Variants in VPS13B observed in about 807,000 individuals in gnomAD.
VPS13B encodes intermembrane lipid transfer protein VPS13B.
In VPS13B, 285 loss-of-function variants were observed where a neutral mutation model predicts 426.4. The ratio of observed to expected loss-of-function variants is 0.67; its 90% CI spans 0.61 to 0.74. The LOEUF is 0.74. VPS13B is among the 30% of genes least tolerant of loss of function. The pLI is 0.00. For missense variants in VPS13B, 4,537 were observed against 4,782.6 expected, an observed-to-expected ratio of 0.95 and a Z score of 1.51; for synonymous variants, 1,676 against 1,676.4, an observed-to-expected ratio of 1.00 and a Z score of 0.01.
chr8:99,559,547 A>G lies in VPS13B; in HGVS notation c.4949+2894A>G, dbSNP rs559992586. ...GGGTTTTTATGGTTTTAGGTCTAAC[A>G]TTTAAGTCTTTAATCCATCTTGAAT... On this transcript the variant is annotated intron_variant, in intron 31 of 61. Coordinates refer to ENST00000357162, the MANE Select transcript of VPS13B (RefSeq NM_152564.5). 2.1e-3 allele frequency among the ~76,000 whole-genome samples: 327 copies of G among 152,208 alleles called. 2 individuals are homozygous for G. The highest frequency in any genetic ancestry group is 2.9e-3 in the Non-Finnish European group (195 of 67,972).
intron 12 of VPS13B, among the ~76,000 whole-genome samples, chr8:99,139,410 T>G (rs1810267330): frequency 6.6e-6 from 1 of 151,864 alleles, no homozygotes; most frequent in Non-Finnish European, 1.5e-5. Flanking sequence ...GAGCCTACAT[T>G]TATAACTATT....
In VPS13B at chr8:99,426,063, TC is replaced by T. The variant is rs1180428332; in HGVS notation, c.3083-5468del. On this transcript the variant is annotated intron_variant, in intron 21 of 61. Transcript: ENST00000357162. ...TCTACCAATGCTATCCCTCCCCCCC[TC>T]CCCCCACCCCACCACAGTCCCCAGA... is the stretch of plus-strand genomic sequence containing the variant. Among the ~76,000 whole-genome samples, 20 of 70,258 alleles carry T rather than the reference TC, an allele frequency of 2.8e-4. No homozygotes were observed. The South Asian group carries it at 0.011, about 39-fold the overall frequency. The allele number at this position is 70,258 out of a possible 152,430, so 46.1% of individuals were successfully genotyped here. A position where few individuals can be genotyped will look rare whatever the true frequency, so the allele number is the denominator to read the frequency against.
At chr8:99,637,802 A>G (rs889533672) in intron 33 of VPS13B, among the ~76,000 whole-genome samples, 6 of 152,266 alleles carry the variant, frequency 3.9e-5, no homozygotes, top group African/African-American at 1.2e-4. Context: ...AAAATGCTCT[A>G]TGCATAGAAA....
At chr8:99,251,280 A>T (rs1817493823) in intron 17 of VPS13B, among the ~76,000 whole-genome samples, 1 of 152,140 alleles carries the variant, frequency 6.6e-6, no homozygotes, top group Non-Finnish European at 1.5e-5. Context: ...TTTACTATTA[A>T]GTGATTTTAG....
rs150178145 is a variant in VPS13B at position 99,364,525 on chromosome 8, C to T, written c.2825-19683C>T. Among the ~76,000 whole-genome samples the T allele has an allele frequency of 6.1e-3, 922 of 152,164 alleles. 12 individuals are homozygous for T. Among genetic ancestry groups the T allele is most frequent in the African/African-American group, 0.021 (878 of 41,498 alleles). The stretch of plus-strand genomic sequence containing the variant: ...ATGGCTCACTGCAGCCTTGACCTTC[C>T]AGGCTCAAGTGACCCTCCCACCTCA... On this transcript the variant is annotated intron_variant, in intron 19 of 61. Coordinates refer to ENST00000357162, the MANE Select transcript of VPS13B (RefSeq NM_152564.5).
At chr8:99,624,007 ATTTTTT>A (rs1165382455) in intron 33 of VPS13B, among the ~76,000 whole-genome samples, 3 of 101,106 alleles carry the variant, frequency 3.0e-5, no homozygotes, top group Admixed American at 2.1e-4. Flanking sequence ...ATATATATAT[ATTTTTT>A]TTTTTTTTTT....
chr8:99,056,241 T>C lies in VPS13B; in HGVS notation c.291+17675T>C, dbSNP rs139991230. Reference sequence around the variant, plus strand: ...CCGGCTAATTTTTTTTGTGTGTTTTTGTAGACATGGGTTTTCATCATGTTG... The same window carrying C: ...CCGGCTAATTTTTTTTGTGTGTTTTCGTAGACATGGGTTTTCATCATGTTG... On this transcript the variant is annotated intron_variant, in intron 3 of 61. Transcript: ENST00000357162. Among the ~76,000 whole-genome samples, 924 of 151,942 alleles carry C rather than the reference T, an allele frequency of 6.1e-3. 13 individuals carry two copies. The highest frequency in any genetic ancestry group is 0.021 in the African/African-American group (879 of 41,436).
intron 19 of VPS13B, among the ~76,000 whole-genome samples, chr8:99,308,514 C>T (rs911907525): frequency 2.6e-5 from 4 of 152,088 alleles, no homozygotes; most frequent in Admixed American, 2.6e-4. Context: ...TGAACTCATC[C>T]TTTTTTATGG....
chr8:99,332,586 C>A (rs889023600), intron 19 of VPS13B, among the ~76,000 whole-genome samples: 1 of 151,338 alleles, frequency 6.6e-6, no homozygotes, highest in African/African-American at 2.4e-5. Context: ...TAAATGTTAC[C>A]CTTACTCTGC....
chr8:99,538,628 A>G (rs758747125), intron 30 of VPS13B, among the ~76,000 whole-genome samples: 7 of 152,164 alleles, frequency 4.6e-5, no homozygotes, highest in African/African-American at 9.6e-5. Context: ...GTCTCTTTCA[A>G]TGCTGATACT....
At chr8:99,296,353 A>G (rs1226288177) in intron 19 of VPS13B, among the ~76,000 whole-genome samples, 1 of 152,160 alleles carries the variant, frequency 6.6e-6, no homozygotes, top group African/African-American at 2.4e-5. Flanking sequence ...GATAATATCT[A>G]TGTAATTAAT....
At chr8:99,088,602 T>G (rs1258147020) in intron 3 of VPS13B, among the ~76,000 whole-genome samples, 1 of 152,200 alleles carries the variant, frequency 6.6e-6, no homozygotes, top group Admixed American at 6.5e-5. Context: ...CCCTCATTAT[T>G]TAATTTCTAA....
intron 24 of VPS13B, among the ~76,000 whole-genome samples, chr8:99,473,262 G>T (rs569214616): frequency 1.3e-5 from 2 of 151,818 alleles, no homozygotes; most frequent in Non-Finnish European, 2.9e-5. Flanking sequence ...TTAACCAAAT[G>T]TTAACAAATC....
At chr8:99,629,478 A>G (rs1287095808) in intron 33 of VPS13B, among the ~76,000 whole-genome samples, 2 of 152,222 alleles carry the variant, frequency 1.3e-5, no homozygotes, top group African/African-American at 2.4e-5. Context: ...AGTGCTAGAT[A>G]AGTGATAGAG....
chr8:99,197,155 G>C (rs1433832226), intron 17 of VPS13B, among the ~76,000 whole-genome samples: 1 of 152,152 alleles, frequency 6.6e-6, no homozygotes, highest in Non-Finnish European at 1.5e-5. Context: ...AACCATCCTT[G>C]CATCCCAAGG....
rs1433104951 is a variant in VPS13B at position 99,291,837 on chromosome 8, G to A, written c.2824+16583G>A. 4.6e-5 allele frequency among the ~76,000 whole-genome samples: 7 copies of A among 152,018 alleles called. No individual in the cohort carries two copies. The East Asian group carries it at 1.4e-3, about 29-fold the overall frequency. On this transcript the variant is annotated intron_variant, in intron 19 of 61. Coordinates refer to ENST00000357162, the MANE Select transcript of VPS13B (RefSeq NM_152564.5). ...AGCTTACATTGTTTTCTTTTAAATGGTAATTATTATTGGATGAAGACAATA... is the reference window on the plus strand; with the variant it reads ...AGCTTACATTGTTTTCTTTTAAATGATAATTATTATTGGATGAAGACAATA...
intron 33 of VPS13B, among the ~76,000 whole-genome samples, chr8:99,595,650 T>C (rs1826970828): frequency 6.6e-6 from 1 of 151,974 alleles, no homozygotes. Flanking sequence ...GAAGCTTTTA[T>C]GCTTCAAAGG....
At chr8:99,314,125 C>T (rs1446553373) in intron 19 of VPS13B, among the ~76,000 whole-genome samples, 2 of 152,128 alleles carry the variant, frequency 1.3e-5, no homozygotes, top group Non-Finnish European at 2.9e-5. Context: ...CCTGGTGAGG[C>T]GATGCCTTGC....
intron 30 of VPS13B, among the ~76,000 whole-genome samples, chr8:99,552,443 A>C (rs991132852): frequency 3.3e-5 from 5 of 152,002 alleles, no homozygotes; most frequent in Admixed American, 6.6e-5. Context: ...GTCTACCTGG[A>C]GCAAGACTGT....
Sources: allele counts gnomAD v4.1 joint callset (sites outside exome capture counted in the v4.1 genomes callset), GRCh38; gene constraint gnomAD v4.1.1; transcripts MANE v1.5; gene names NCBI Gene and HGNC (gene_info 2026-07-23, HGNC 2026-07-21).